CHRDL1: variants seen among roughly 807,000 people sequenced by gnomAD.
CHRDL1 encodes the protein chordin-like protein 1.
CHRDL1 carries 19 observed loss-of-function variants against 40.9 expected under a neutral mutation model. The observed-to-expected ratio is 0.46, with a 90% CI of 0.32 to 0.68. The LOEUF (loss-of-function observed/expected upper bound fraction) is 0.68. Among genes scored for constraint, CHRDL1 ranks in the 30% least tolerant of loss-of-function variants. CHRDL1 has a pLI of 0.03. For synonymous variants in CHRDL1, 136 were observed against 123.4 expected, an observed-to-expected ratio of 1.10 and a Z score of -0.68; for missense variants, 329 against 352.1, an observed-to-expected ratio of 0.93 and a Z score of 0.53.
chrX:110,711,204 G>A (rs781108943), intron 6 of CHRDL1, among the ~76,000 whole-genome samples: 40 of 111,839 alleles, frequency 3.6e-4, no homozygotes, highest in Non-Finnish European at 7.0e-4. Flanking sequence ...TGAATCCATG[G>A]ATGTGCAACC....
rs193070210 is a variant in CHRDL1, at chrX:110,755,764, A to G, written c.301+3897T>C. Among the ~76,000 whole-genome samples the G allele has an allele frequency of 1.5e-4, 17 of 111,861 alleles. No homozygotes were observed. The East Asian group carries it at 4.8e-3, about 32-fold the overall frequency. ...TTCCATTGGGTTAAGATGGAAAACC[A>G]GAGCCCTTTTCTTTGACCAAACATT... On this transcript the variant is annotated intron_variant, in intron 4 of 11. Coordinates refer to ENST00000372042, the MANE Select transcript of CHRDL1 (RefSeq NM_001143981.2).
At chrX:110,689,470 ATATATCTATATATC>A (rs2070123046) in intron 8 of CHRDL1, among the ~76,000 whole-genome samples, 1 of 57,193 alleles carries the variant, frequency 1.7e-5, no homozygotes, top group African/African-American at 1.1e-4. Flanking sequence ...ATATATATCT[ATATATCTATATATC>A]TATATCTCTA....
Position 110,681,608 on chromosome X carries a change from A to G in CHRDL1, c.1030T>C (p.Cys344Arg). The change falls in exon 10 of 12, where the codon TGC becomes CGC. Residue 344 changes from cysteine to arginine, a missense_variant. Coordinates refer to ENST00000372042, the MANE Select transcript of CHRDL1 (RefSeq NM_001143981.2). ...TACACAGGCATCGTTTCTTCCCCGC[A>G]GAAGTAGCCTTTATTGTCAAAGCTT... ...GQSFDNKGYF[C>R]GEETMPVYES... The G allele has an allele frequency of 8.3e-7, 1 of 1,207,807 alleles. No homozygotes were observed. Among genetic ancestry groups the G allele is most frequent in the Non-Finnish European group, 1.1e-6 (1 of 892,573 alleles).
At position 110,689,985 on chromosome X, in the gene CHRDL1, C is replaced by A. The variant is rs774790460; in HGVS notation, c.779-1182G>T. Reference sequence around the variant, plus strand: ...TATATATCTATATATATCTATATATCTATATATATCTATATATCTATATAT... The same window carrying A: ...TATATATCTATATATATCTATATATATATATATATCTATATATCTATATAT... On this transcript the variant is annotated intron_variant, in intron 8 of 11. Transcript: ENST00000372042. Among the ~76,000 whole-genome samples the A allele has an allele frequency of 3.6e-4, 8 of 22,491 alleles. 1 individual carries two copies. The highest frequency in any genetic ancestry group is 3.0e-3 in the African/African-American group (7 of 2,329). 19.5% of individuals were successfully genotyped at this position (22,491 alleles called of 115,157 possible).
intron 2 of CHRDL1, among the ~76,000 whole-genome samples, chrX:110,783,585 A>T (rs1354953654): frequency 8.9e-6 from 1 of 112,186 alleles, no homozygotes; most frequent in Non-Finnish European, 1.9e-5. Flanking sequence ...AAAAAGCACA[A>T]ATCAGATGCA....
intron 2 of CHRDL1, among the ~76,000 whole-genome samples, chrX:110,763,388 T>G (rs1358780372): frequency 7.3e-5 from 8 of 110,214 alleles, no homozygotes; most frequent in Non-Finnish European, 1.3e-4. Context: ...TCGGTTTCCA[T>G]TTCTGAGTTA....
rs143592463 is a variant in CHRDL1, at chrX:110,770,954, C to G, written c.95-8147G>C. ...CTGAGGTCAGGAGTTCAAGACCAGC[C>G]TGGCCTACATGGTAAAACCCTGTCT... On this transcript the variant is annotated intron_variant, in intron 2 of 11. Transcript: ENST00000372042. 7.3e-4 allele frequency among the ~76,000 whole-genome samples: 81 copies of G among 110,849 alleles called. 1 individual carries two copies. Among genetic ancestry groups the G allele is most frequent in the Middle Eastern group, 9.3e-3 (2 of 214 alleles).
chrX:110,752,637 C>T, intron 4 of CHRDL1, among the ~76,000 whole-genome samples: 1 of 110,758 alleles, frequency 9.0e-6, no homozygotes, highest in East Asian at 2.8e-4. Flanking sequence ...TTTTGGATAA[C>T]TCTGGACCCA....
At chrX:110,740,342 G>C (rs1173609543) in intron 4 of CHRDL1, among the ~76,000 whole-genome samples, 2 of 112,492 alleles carry the variant, frequency 1.8e-5, no homozygotes, top group Non-Finnish European at 3.8e-5. Flanking sequence ...AGTCATGGTA[G>C]TGTGACTTGC....
chrX:110,770,070 A>C (rs902447644), intron 2 of CHRDL1, among the ~76,000 whole-genome samples: 3 of 112,104 alleles, frequency 2.7e-5, no homozygotes, highest in East Asian at 2.8e-4. Flanking sequence ...CAGAATAATA[A>C]ACTGGGAGAC....
chrX:110,713,878 C>A (rs1218691175), intron 6 of CHRDL1, among the ~76,000 whole-genome samples: 1 of 111,100 alleles, frequency 9.0e-6, no homozygotes, highest in African/African-American at 3.3e-5. Context: ...ACCCCAAATA[C>A]CTTTCCCTTG....
At chrX:110,729,001 C>T (rs1022542618) in intron 4 of CHRDL1, among the ~76,000 whole-genome samples, 16 of 111,907 alleles carry the variant, frequency 1.4e-4, no homozygotes, top group Non-Finnish European at 2.6e-4. Context: ...GTGGCGGGAG[C>T]CTGTTATCCC....
chrX:110,674,460 C>CATAT lies in CHRDL1; in HGVS notation c.*1770_*1771insATAT, dbSNP rs200106486. Reference sequence around the variant, plus strand: ...GCATAACACCTTCCCCCCTTTACCACACACACACACACACACACACACACA... The same window carrying CATAT: ...GCATAACACCTTCCCCCCTTTACCACATATACACACACACACACACACACACACA... On this transcript the variant is annotated 3_prime_UTR_variant, in exon 12 of 12. Coordinates refer to ENST00000372042, the MANE Select transcript of CHRDL1 (RefSeq NM_001143981.2). 3 of 53,763 alleles carry CATAT rather than the reference C, an allele frequency of 5.6e-5. No individual in the cohort carries two copies. The highest frequency in any genetic ancestry group is 1.6e-4 in the African/African-American group (3 of 19,028). 4.4% of individuals were successfully genotyped at this position (53,763 alleles called of 1,213,427 possible).
intron 3 of CHRDL1, among the ~76,000 whole-genome samples, chrX:110,761,824 T>C (rs1187054106): frequency 1.8e-5 from 2 of 112,595 alleles, no homozygotes; most frequent in East Asian, 5.6e-4. Flanking sequence ...ACCTGCTTTA[T>C]CTATTGCAAA....
intron 2 of CHRDL1, among the ~76,000 whole-genome samples, chrX:110,763,024 A>G (rs2089593037): frequency 8.9e-6 from 1 of 111,930 alleles, no homozygotes; most frequent in Admixed American, 9.5e-5. Context: ...TATTAGTCTC[A>G]TTTTATAGAT....
At chrX:110,754,095 G>A (rs1234379097) in intron 4 of CHRDL1, among the ~76,000 whole-genome samples, 1 of 112,103 alleles carries the variant, frequency 8.9e-6, no homozygotes, top group Non-Finnish European at 1.9e-5. Flanking sequence ...TCTTGCCTCA[G>A]TTGGGCCACA....
At chrX:110,794,467 G>C (rs2090152047) in intron 1 of CHRDL1, among the ~76,000 whole-genome samples, 1 of 112,127 alleles carries the variant, frequency 8.9e-6, no homozygotes. Context: ...ACAAAACCCT[G>C]CAACTAACAC....
chrX:110,734,463 T>C lies in CHRDL1; in HGVS notation c.302-12933A>G, dbSNP rs945888072. On this transcript the variant is annotated intron_variant, in intron 4 of 11. Transcript: ENST00000372042. Reference sequence around the variant, plus strand: ...TGAACAGCTTTATCATCAGCTCCATTATTCAGCTCATGGACCATTCCAATC... The same window carrying C: ...TGAACAGCTTTATCATCAGCTCCATCATTCAGCTCATGGACCATTCCAATC... Among the ~76,000 whole-genome samples the C allele has an allele frequency of 7.1e-5, 8 of 111,960 alleles. No individual in the cohort carries two copies. In the South Asian group the frequency reaches 1.1e-3, roughly 16 times the overall value.
intron 10 of CHRDL1, among the ~76,000 whole-genome samples, chrX:110,680,307 G>A (rs1412837300): frequency 2.7e-5 from 3 of 111,939 alleles, no homozygotes; most frequent in African/African-American, 9.7e-5. Context: ...GTCCTGTTAT[G>A]GATGAGCTAG....
Sources: allele counts gnomAD v4.1 joint callset (sites outside exome capture counted in the v4.1 genomes callset), GRCh38; gene constraint gnomAD v4.1.1; transcripts MANE v1.5; gene names NCBI Gene and HGNC (gene_info 2026-07-23, HGNC 2026-07-21).